The following FBXL17 variants were observed in gnomAD, a reference collection of about 807,000 sequenced individuals.
The protein encoded by FBXL17 is F-box/LRR-repeat protein 17.
FBXL17 carries 22 observed loss-of-function variants against 66.2 expected under a neutral mutation model. The observed-to-expected ratio is 0.33, with a 90% CI of 0.24 to 0.47. The LOEUF (loss-of-function observed/expected upper bound fraction) is 0.47. Ranked by LOEUF, FBXL17 falls within the 20% of genes least tolerant of loss-of-function variation. The pLI is 1.00. For synonymous variants in FBXL17, 474 were observed against 400.5 expected (o/e 1.18, Z -2.19); for missense variants, 878 against 948.2 (o/e 0.93, Z 0.97).
At chr5:107,926,913 T>C (rs1270079945) in intron 7 of FBXL17, among the ~76,000 whole-genome samples, 5 of 152,140 alleles carry the variant, frequency 3.3e-5, no homozygotes, top group Non-Finnish European at 7.4e-5. Context: ...TACTTGAATT[T>C]TGTTTAAAGA....
At chr5:107,896,669 G>A (rs1427719784) in intron 7 of FBXL17, among the ~76,000 whole-genome samples, 9 of 152,264 alleles carry the variant, frequency 5.9e-5, no homozygotes, top group East Asian at 5.8e-4. Flanking sequence ...CTCCCAAGAA[G>A]CAGAGAAAAG....
chr5:108,342,940 G>A (rs190816642), intron 4 of FBXL17, among the ~76,000 whole-genome samples: 11 of 152,298 alleles, frequency 7.2e-5, no homozygotes, highest in Admixed American at 2.0e-4. Context: ...CAAGATGATA[G>A]TATTAGGAAG....
At chr5:108,276,750 T>C (rs1380214654) in intron 4 of FBXL17, among the ~76,000 whole-genome samples, 2 of 152,136 alleles carry the variant, frequency 1.3e-5, no homozygotes, top group African/African-American at 4.8e-5. Flanking sequence ...ATGACTGAGA[T>C]GTCATTTGAA....
intron 8 of FBXL17, among the ~76,000 whole-genome samples, chr5:107,875,372 C>T (rs61224985): frequency 6.6e-6 from 1 of 152,276 alleles, no homozygotes; most frequent in South Asian, 2.1e-4. Flanking sequence ...TAGGGCTTTC[C>T]TGCTCATGAT....
At chr5:108,027,571 A>G (rs1754871301) in intron 6 of FBXL17, among the ~76,000 whole-genome samples, 1 of 152,184 alleles carries the variant, frequency 6.6e-6, no homozygotes. Flanking sequence ...GAAATACTAA[A>G]AGATATAATC....
chr5:108,364,649 T>A, intron 3 of FBXL17, 89 bp downstream of exon 3: 1 of 1,052,302 alleles, frequency 9.5e-7, no homozygotes, highest in East Asian at 2.4e-5. Context: ...CTCTGGGAAC[T>A]ATTTTTAACG....
At chr5:108,059,955 AATAT>A (rs1180896128) in intron 6 of FBXL17, among the ~76,000 whole-genome samples, 3 of 151,036 alleles carry the variant, frequency 2.0e-5, no homozygotes. Flanking sequence ...TCAGCATATA[AATAT>A]ATATAAATAT....
intron 7 of FBXL17, among the ~76,000 whole-genome samples, chr5:108,017,795 T>C (rs898190890): frequency 6.6e-6 from 1 of 152,224 alleles, no homozygotes; most frequent in African/African-American, 2.4e-5. Flanking sequence ...GTCTGAATTA[T>C]TGATTTGTTT....
intron 7 of FBXL17, among the ~76,000 whole-genome samples, chr5:107,905,558 A>G (rs1312329035): frequency 6.6e-6 from 1 of 152,136 alleles, no homozygotes; most frequent in Non-Finnish European, 1.5e-5. Flanking sequence ...GTGAAAAATG[A>G]CTCTTCAAAA....
At chr5:108,276,043 A>C (rs1455396617) in intron 4 of FBXL17, among the ~76,000 whole-genome samples, 1 of 152,224 alleles carries the variant, frequency 6.6e-6, no homozygotes, top group African/African-American at 2.4e-5. Flanking sequence ...AATAAAAAGA[A>C]AGAAAGTAAA....
intron 7 of FBXL17, among the ~76,000 whole-genome samples, chr5:108,016,413 TAA>T (rs1754389040): frequency 6.6e-6 from 1 of 152,146 alleles, no homozygotes; most frequent in Admixed American, 6.6e-5. Context: ...CCTCTTTAAT[TAA>T]AGATTATTTT....
intron 6 of FBXL17, among the ~76,000 whole-genome samples, chr5:108,047,355 G>T (rs908066383): frequency 3.3e-5 from 5 of 152,174 alleles, no homozygotes; most frequent in Non-Finnish European, 5.9e-5. Flanking sequence ...GGGACCTAGG[G>T]TCCCAACCCC....
chr5:107,989,232 G>A (rs1369433714), intron 7 of FBXL17, among the ~76,000 whole-genome samples: 1 of 151,882 alleles, frequency 6.6e-6, no homozygotes, highest in Non-Finnish European at 1.5e-5. Flanking sequence ...ACAATACCAC[G>A]TATTCCTTCT....
chr5:108,176,129 T>C (rs779941955), intron 6 of FBXL17, among the ~76,000 whole-genome samples: 13 of 152,200 alleles, frequency 8.5e-5, no homozygotes, highest in Non-Finnish European at 1.6e-4. Flanking sequence ...TAAATGAAGA[T>C]TTTCTTCATT....
intron 7 of FBXL17, among the ~76,000 whole-genome samples, chr5:107,896,752 G>C (rs1749397533): frequency 6.6e-6 from 1 of 152,124 alleles, no homozygotes; most frequent in African/African-American, 2.4e-5. Flanking sequence ...GCAGTTGCCT[G>C]CCATACCAGA....
chr5:108,140,718 G>A lies in FBXL17; in HGVS notation c.1745+45399C>T, dbSNP rs138611281. Among the ~76,000 whole-genome samples the A allele has an allele frequency of 6.6e-3, 1,006 of 152,030 alleles. 8 individuals are homozygous for A. Among genetic ancestry groups the A allele is most frequent in the Non-Finnish European group, 0.01 (704 of 67,992 alleles). On this transcript the variant is annotated intron_variant, in intron 6 of 8. Coordinates refer to ENST00000542267, the MANE Select transcript of FBXL17 (RefSeq NM_001163315.3). ...AGATTTCTCTCCCAGGTTCTACTCC[G>A]TACATTCAATAGCAAGGTAGATATA... is the stretch of plus-strand genomic sequence containing the variant.
intron 6 of FBXL17, among the ~76,000 whole-genome samples, chr5:108,170,529 A>G (rs1238148523): frequency 6.6e-6 from 1 of 152,064 alleles, no homozygotes; most frequent in African/African-American, 2.4e-5. Flanking sequence ...TGTTATTATA[A>G]GACTATTTTT....
At chr5:107,891,849 T>G (rs1345715602) in intron 7 of FBXL17, among the ~76,000 whole-genome samples, 2 of 152,172 alleles carry the variant, frequency 1.3e-5, no homozygotes, top group Admixed American at 6.5e-5. Flanking sequence ...TAGCTGAGTC[T>G]TTCTTATTAT....
intron 6 of FBXL17, among the ~76,000 whole-genome samples, chr5:108,078,170 C>T (rs1294919439): frequency 6.6e-6 from 1 of 152,188 alleles, no homozygotes; most frequent in Non-Finnish European, 1.5e-5. Context: ...TCTGCAATGC[C>T]ACCACATGGG....
Sources: gnomAD v4.1 joint callset for allele counts (sites outside exome capture counted in the v4.1 genomes callset) on GRCh38, gnomAD v4.1.1 for gene constraint, MANE v1.5 for transcripts, NCBI Gene and HGNC (gene_info 2026-07-23, HGNC 2026-07-21) for gene names.